PCDHA12: variants seen among roughly 807,000 people sequenced by gnomAD.
PCDHA12 encodes the protein protocadherin alpha 12.
In PCDHA12, 44 loss-of-function variants were observed where a neutral mutation model predicts 60.0. The ratio of observed to expected loss-of-function variants is 0.73; its 90% CI spans 0.58 to 0.94. PCDHA12 has a LOEUF of 0.94. Among genes scored for constraint, PCDHA12 ranks in the 40% least tolerant of loss-of-function variants. The probability of loss-of-function intolerance (pLI) is 0.00; values close to 1 mark genes in which losing one functional copy is unlikely to be tolerated. For missense variants in PCDHA12, 1,276 were observed against 1,239.7 expected, an observed-to-expected ratio of 1.03 and a Z score of -0.44; for synonymous variants, 569 against 553.0, an observed-to-expected ratio of 1.03 and a Z score of -0.40.
At chr5:140,989,013 G>A (rs1171400170) in intron 3 of PCDHA12, 1 of 152,208 alleles carries the variant, frequency 6.6e-6, no homozygotes, top group Non-Finnish European at 1.5e-5. Context: ...ACTTATTATA[G>A]TTTCTTCAGT....
intron 1 of PCDHA12, chr5:140,927,088 T>C (rs1554204002): frequency 6.2e-7 from 1 of 1,612,662 alleles, no homozygotes; most frequent in Admixed American, 1.7e-5. Context: ...CGAGCTCTAC[T>C]TCGGGGTGGA....
rs1274160852 is a variant in PCDHA12, at chr5:140,922,009, TA to T, written c.2367+44177del. On this transcript the variant is annotated intron_variant, in intron 1 of 3. Coordinates refer to ENST00000398631, the MANE Select transcript of PCDHA12 (RefSeq NM_018903.4). ...AAAGAGTTCAATGAAATGATTAGTTTAAAAAAATAAATATAAAAAATGTAAT... is the reference window on the plus strand; with the variant it reads ...AAAGAGTTCAATGAAATGATTAGTTTAAAAAATAAATATAAAAAATGTAAT... 1.3e-5 allele frequency among the ~76,000 whole-genome samples: 2 copies of T among 152,076 alleles called. 1 individual carries two copies. The highest frequency in any genetic ancestry group is 4.8e-5 in the African/African-American group (2 of 41,508).
chr5:141,001,395 A>G (rs1331071816), intron 3 of PCDHA12, among the ~76,000 whole-genome samples: 1 of 152,202 alleles, frequency 6.6e-6, no homozygotes. Flanking sequence ...TCCTACAGAG[A>G]ACAGGGAGTA....
intron 1 of PCDHA12, among the ~76,000 whole-genome samples, chr5:140,952,641 G>T (rs1033672347): frequency 1.3e-5 from 2 of 152,102 alleles, no homozygotes; most frequent in Non-Finnish European, 2.9e-5. Flanking sequence ...TCCAACCTGT[G>T]CCTGGTTACC....
chr5:140,976,511 A>G (rs1216804890), intron 1 of PCDHA12, among the ~76,000 whole-genome samples: 1 of 152,148 alleles, frequency 6.6e-6, no homozygotes, highest in Non-Finnish European at 1.5e-5. Flanking sequence ...AGATCGCGCC[A>G]CTGCACACCA....
Position 140,927,005 on chromosome 5 carries a change from A to G in PCDHA12, c.2367+49166A>G, listed in dbSNP as rs1554203909. On this transcript the variant is annotated intron_variant, in intron 1 of 3. Coordinates refer to ENST00000398631, the MANE Select transcript of PCDHA12 (RefSeq NM_018903.4). ...ACGGAGCGGGGCGTAGCCGTAGGCA[A>G]TCTCTCCGCGGACTTGAGGCTGCCA... 6 of 1,612,394 alleles carry G rather than the reference A, an allele frequency of 3.7e-6. No homozygotes were observed. The South Asian group carries it at 4.4e-5, about 12-fold the overall frequency.
At chr5:140,943,376 C>G (rs2093486935) in intron 1 of PCDHA12, among the ~76,000 whole-genome samples, 1 of 150,084 alleles carries the variant, frequency 6.7e-6, no homozygotes, top group Non-Finnish European at 1.5e-5. Flanking sequence ...TTAAAATATA[C>G]AGGTAAGAAA....
chr5:140,993,001 TC>T (rs1554253322), intron 3 of PCDHA12, among the ~76,000 whole-genome samples: 4 of 152,124 alleles, frequency 2.6e-5, no homozygotes, highest in Admixed American at 2.6e-4. Context: ...TGAAAGAGCC[TC>T]CCCAGAGTCC....
chr5:140,974,456 A>G (rs957426015), intron 1 of PCDHA12, among the ~76,000 whole-genome samples: 2 of 152,230 alleles, frequency 1.3e-5, no homozygotes, highest in Non-Finnish European at 2.9e-5. Context: ...AAATGACTAC[A>G]TTCAGAGGAA....
intron 1 of PCDHA12, among the ~76,000 whole-genome samples, chr5:140,914,386 G>A (rs565819670): frequency 2.6e-5 from 4 of 152,216 alleles, no homozygotes; most frequent in East Asian, 1.9e-4. Flanking sequence ...TGTTATAAGT[G>A]TAGTTACCCC....
At chr5:140,881,382 C>T (rs1312033271) in intron 1 of PCDHA12, 2 of 983,994 alleles carry the variant, frequency 2.0e-6, no homozygotes, top group Non-Finnish European at 2.4e-6. Flanking sequence ...CAGCCGGCGG[C>T]GGTAAGTTAA....
intron 3 of PCDHA12, among the ~76,000 whole-genome samples, chr5:140,990,006 G>T (rs1249732911): frequency 1.3e-5 from 2 of 152,116 alleles, no homozygotes; most frequent in Non-Finnish European, 2.9e-5. Flanking sequence ...ATCTCCAAGG[G>T]CGTGGGCTAG....
intron 1 of PCDHA12, among the ~76,000 whole-genome samples, chr5:140,970,537 GT>G (rs111648801): frequency 0.029 from 4,476 of 152,214 alleles, 218 homozygotes; most frequent in African/African-American, 0.1. Flanking sequence ...ATGTGTGTGT[GT>G]TTGTGTTGTG....
At chr5:140,985,936 T>C (rs1379150817) in intron 3 of PCDHA12, among the ~76,000 whole-genome samples, 3 of 152,038 alleles carry the variant, frequency 2.0e-5, no homozygotes, top group Non-Finnish European at 2.9e-5. Context: ...AGCCGGGGTT[T>C]CACTGTGTTA....
At chr5:140,983,142 CTTGGCATGCATG>C (rs1316699573) in intron 3 of PCDHA12, among the ~76,000 whole-genome samples, 4 of 152,212 alleles carry the variant, frequency 2.6e-5, no homozygotes, top group Admixed American at 6.5e-5. Flanking sequence ...CTTTTAGTGC[CTTGGCATGCATG>C]TTGCCAAACA....
chr5:140,986,355 T>C (rs1381730343), intron 3 of PCDHA12, among the ~76,000 whole-genome samples: 3 of 152,154 alleles, frequency 2.0e-5, no homozygotes, highest in African/African-American at 7.2e-5. Context: ...CTTCTTCAGA[T>C]GGAGGAATGC....
chr5:140,884,460 C>A (rs782410675), intron 1 of PCDHA12: 72 of 1,613,614 alleles, frequency 4.5e-5, no homozygotes, highest in Non-Finnish European at 5.8e-5. Context: ...ACCGAGGGCG[C>A]GTGCGCGCCG....
At chr5:140,926,926 T>C in intron 1 of PCDHA12, 1 of 1,573,576 alleles carries the variant, frequency 6.4e-7, no homozygotes, top group South Asian at 1.2e-5. Flanking sequence ...TTTATGTTTG[T>C]GGGTTTCCTG....
chr5:140,881,336 G>C (rs2058671987), intron 1 of PCDHA12: 1 of 984,948 alleles, frequency 1.0e-6, no homozygotes. Context: ...CCAGGACGCC[G>C]ATTCGGGCTA....
Sources: allele counts gnomAD v4.1 joint callset (sites outside exome capture counted in the v4.1 genomes callset), GRCh38; gene constraint gnomAD v4.1.1; transcripts MANE v1.5; gene names NCBI Gene and HGNC (gene_info 2026-07-23, HGNC 2026-07-21).